The following TLL1 variants were observed in gnomAD, a reference collection of about 807,000 sequenced individuals.
The protein encoded by TLL1 is tolloid-like protein 1.
TLL1 carries 49 observed loss-of-function variants against 128.2 expected under a neutral mutation model. That is an observed-to-expected ratio of 0.38 (90% CI 0.30 to 0.48). TLL1 has a LOEUF of 0.48. Among genes scored for constraint, TLL1 ranks in the 20% least tolerant of loss-of-function variants. The pLI, the probability that TLL1 is intolerant of heterozygous loss-of-function variation, is 0.96. For missense variants in TLL1, 1,123 were observed against 1,242.0 expected (o/e 0.90, Z 1.44); for synonymous variants, 454 against 418.8 (o/e 1.08, Z -1.03).
At chr4:165,907,998 C>T (rs759027091) in intron 1 of TLL1, among the ~76,000 whole-genome samples, 2 of 152,178 alleles carry the variant, frequency 1.3e-5, no homozygotes, top group African/African-American at 4.8e-5. Flanking sequence ...CAGTTCACCA[C>T]GGAAGTGCTT....
intron 1 of TLL1, among the ~76,000 whole-genome samples, chr4:165,968,359 T>C (rs1354306): frequency 0.78 from 118,402 of 152,148 alleles, 47,179 homozygotes; most frequent in African/African-American, 0.95. Flanking sequence ...AACTGCTTGT[T>C]GTCCAAAGGA....
chr4:165,985,006 CCAATT>C (rs1736337059), intron 1 of TLL1, among the ~76,000 whole-genome samples: 1 of 151,966 alleles, frequency 6.6e-6, no homozygotes, highest in African/African-American at 2.4e-5. Context: ...AACTTATACT[CCAATT>C]CACGGTATGT....
chr4:165,914,509 T>G (rs1054626322), intron 1 of TLL1, among the ~76,000 whole-genome samples: 1 of 152,226 alleles, frequency 6.6e-6, no homozygotes, highest in African/African-American at 2.4e-5. Context: ...ATTGACAATG[T>G]CCTTGTGAAG....
chr4:165,902,820 C>T (rs184227890), intron 1 of TLL1, among the ~76,000 whole-genome samples: 15 of 152,280 alleles, frequency 9.9e-5, no homozygotes, highest in Non-Finnish European at 1.0e-4. Context: ...GATACATATA[C>T]AGCACCATAT....
chr4:166,029,733 T>C (rs566924519), intron 9 of TLL1, among the ~76,000 whole-genome samples: 1 of 152,210 alleles, frequency 6.6e-6, no homozygotes, highest in East Asian at 1.9e-4. Context: ...TTTGAGAAAC[T>C]TCATATGATT....
intron 1 of TLL1, among the ~76,000 whole-genome samples, chr4:165,929,063 G>A (rs1579499336): frequency 6.6e-6 from 1 of 152,088 alleles, no homozygotes. Flanking sequence ...AGAAGTTGAC[G>A]GCAGAAATAG....
At chr4:165,972,017 T>G (rs1388843750) in intron 1 of TLL1, among the ~76,000 whole-genome samples, 1 of 152,206 alleles carries the variant, frequency 6.6e-6, no homozygotes, top group African/African-American at 2.4e-5. Context: ...GGATAATTGT[T>G]TTTAAGTTGA....
intron 1 of TLL1, among the ~76,000 whole-genome samples, chr4:165,978,182 T>C (rs1036728069): frequency 6.7e-6 from 1 of 150,000 alleles, no homozygotes; most frequent in African/African-American, 2.5e-5. Flanking sequence ...CCTGAAATCA[T>C]TTTTTTCCAA....
At chr4:166,069,083 C>G (rs569400603) in intron 16 of TLL1, among the ~76,000 whole-genome samples, 19 of 151,688 alleles carry the variant, frequency 1.3e-4, no homozygotes, top group African/African-American at 4.3e-4. Context: ...ATGTTTCCAC[C>G]TATTACTGTT....
chr4:165,974,245 A>G (rs1217059511), intron 1 of TLL1, among the ~76,000 whole-genome samples: 1 of 123,740 alleles, frequency 8.1e-6, no homozygotes, highest in Non-Finnish European at 1.5e-5. Context: ...GGTTCACGCC[A>G]TTCTCCTGCC....
intron 7 of TLL1, 113 bp downstream of exon 7, chr4:166,008,161 C>A: frequency 1.4e-6 from 1 of 711,486 alleles, no homozygotes; most frequent in Admixed American, 2.3e-5. Flanking sequence ...TGCTACCTCA[C>A]TGCAGAAAGT....
At chr4:165,876,347 A>G (rs1730722025) in intron 1 of TLL1, among the ~76,000 whole-genome samples, 1 of 152,166 alleles carries the variant, frequency 6.6e-6, no homozygotes. Flanking sequence ...TCAAAAAAAA[A>G]AATCACTGAA....
intron 1 of TLL1, among the ~76,000 whole-genome samples, chr4:165,932,958 A>G (rs1733595965): frequency 6.6e-6 from 1 of 152,220 alleles, no homozygotes; most frequent in Admixed American, 6.5e-5. Flanking sequence ...CACTTATGTT[A>G]CCGGGGTACA....
At chr4:166,079,708 T>C (rs1423671093) in intron 18 of TLL1, among the ~76,000 whole-genome samples, 1 of 152,190 alleles carries the variant, frequency 6.6e-6, no homozygotes, top group Non-Finnish European at 1.5e-5. Context: ...TCATTAATTT[T>C]TGAAAATTCT....
At chr4:165,969,876 C>T (rs144178404) in intron 1 of TLL1, among the ~76,000 whole-genome samples, 2 of 152,242 alleles carry the variant, frequency 1.3e-5, no homozygotes, top group African/African-American at 4.8e-5. Flanking sequence ...CACTTGGACA[C>T]ATTCTTATCA....
chr4:165,973,900 A>G (rs1735746328), intron 1 of TLL1, among the ~76,000 whole-genome samples: 1 of 152,124 alleles, frequency 6.6e-6, no homozygotes, highest in Non-Finnish European at 1.5e-5. Flanking sequence ...TCCTGATCTC[A>G]GGTGATCCAC....
intron 14 of TLL1, 101 bp from the exon 15 acceptor site, chr4:166,059,927 A>G: frequency 7.1e-7 from 1 of 1,404,988 alleles, no homozygotes. Flanking sequence ...AAGATAGTTG[A>G]AATTTAGTGC....
chr4:165,977,733 C>A (rs1160213107), intron 1 of TLL1, among the ~76,000 whole-genome samples: 1 of 152,046 alleles, frequency 6.6e-6, no homozygotes, highest in African/African-American at 2.4e-5. Flanking sequence ...TAATATCTAG[C>A]AATACTTATA....
chr4:165,891,839 G>C (rs1287630393), intron 1 of TLL1, among the ~76,000 whole-genome samples: 1 of 152,172 alleles, frequency 6.6e-6, no homozygotes, highest in Non-Finnish European at 1.5e-5. Flanking sequence ...ACTTCTGCCA[G>C]TTACCCAGTT....
Sources: allele counts gnomAD v4.1 joint callset (sites outside exome capture counted in the v4.1 genomes callset), GRCh38; gene constraint gnomAD v4.1.1; transcripts MANE v1.5; gene names NCBI Gene and HGNC (gene_info 2026-07-23, HGNC 2026-07-21).